The following DGKB variants were observed in gnomAD, a reference collection of about 807,000 sequenced individuals.
DGKB encodes the protein diacylglycerol kinase beta, also known as 90 kDa diacylglycerol kinase.
A neutral mutation model predicts 114.3 loss-of-function variants in DGKB; 67 were observed. That is an observed-to-expected ratio of 0.59 (90% CI 0.48 to 0.72). DGKB has a LOEUF of 0.72. Ranked by LOEUF, DGKB falls within the 30% of genes least tolerant of loss-of-function variation. The probability of loss-of-function intolerance (pLI) is 0.00; values close to 1 mark genes in which losing one functional copy is unlikely to be tolerated. For synonymous variants in DGKB, 398 were observed against 323.1 expected (o/e 1.23, Z -2.49); for missense variants, 907 against 975.2 (o/e 0.93, Z 0.93).
chr7:14,863,031 A>G (rs1851213126), intron 1 of DGKB, among the ~76,000 whole-genome samples: 2 of 152,090 alleles, frequency 1.3e-5, no homozygotes, highest in African/African-American at 4.8e-5. Flanking sequence ...ATAAAAAGTC[A>G]GGAAATGTAA....
rs1835087662 is a variant in DGKB at position 14,757,686 on chromosome 7, T to C, written c.116A>G (p.Asn39Ser). ...AGGATTATACTTTGCAAGCACACCA[T>C]TACCATGGAATTCTTCAAGAACATC... is the stretch of plus-strand genomic sequence containing the variant. Reference protein sequence around the residue: ...LKDVLEEFHGNGVLAKYNPEG... With the variant: ...LKDVLEEFHGSGVLAKYNPEG... Residue 39 changes from asparagine to serine, a missense_variant, in exon 3 of 26, where the codon AAT becomes AGT. This residue lies in a region of DGKB where 814 missense variants were observed against 856.6 expected (regional missense o/e 0.95). Coordinates refer to ENST00000402815, the MANE Select transcript of DGKB (RefSeq NM_001350709.2). The C allele has an allele frequency of 1.2e-6, 2 of 1,605,624 alleles. No individual in the cohort carries two copies. The highest frequency in any genetic ancestry group is 3.4e-5 in the Admixed American group (2 of 59,486).
At chr7:14,432,153 A>G (rs749443614) in intron 21 of DGKB, among the ~76,000 whole-genome samples, 3 of 152,190 alleles carry the variant, frequency 2.0e-5, no homozygotes, top group Non-Finnish European at 4.4e-5. Context: ...AATCTTCTGC[A>G]AACAATTATT....
intron 23 of DGKB, among the ~76,000 whole-genome samples, chr7:14,190,028 A>G (rs1784072196): frequency 6.6e-6 from 1 of 152,192 alleles, no homozygotes; most frequent in African/African-American, 2.4e-5. Context: ...TTGGACTTAC[A>G]CTGCACCATA....
intron 23 of DGKB, among the ~76,000 whole-genome samples, chr7:14,250,900 G>A (rs1217445391): frequency 6.6e-6 from 1 of 152,098 alleles, no homozygotes; most frequent in Non-Finnish European, 1.5e-5. Flanking sequence ...TTTGTCTATT[G>A]TGACAGGTTT....
chr7:14,499,723 T>C (rs768762139), intron 20 of DGKB, among the ~76,000 whole-genome samples: 2 of 151,884 alleles, frequency 1.3e-5, no homozygotes, highest in Non-Finnish European at 2.9e-5. Flanking sequence ...ATAACCTTTA[T>C]ACTACATAAA....
intron 14 of DGKB, among the ~76,000 whole-genome samples, chr7:14,621,964 C>G (rs185597613): frequency 1.3e-5 from 2 of 152,152 alleles, no homozygotes; most frequent in African/African-American, 4.8e-5. Context: ...TTAAAACTGA[C>G]ATTCCATCCC....
intron 2 of DGKB, among the ~76,000 whole-genome samples, chr7:14,785,809 T>G (rs367802149): frequency 1.3e-5 from 2 of 152,032 alleles, no homozygotes; most frequent in East Asian, 3.9e-4. Flanking sequence ...CCATTTATTT[T>G]ACACTCCACA....
chr7:14,368,291 A>G (rs1281257094), intron 21 of DGKB, among the ~76,000 whole-genome samples: 2 of 152,292 alleles, frequency 1.3e-5, no homozygotes, highest in Middle Eastern at 3.4e-3. Flanking sequence ...GTGGGTTTTG[A>G]TAACTGTATA....
At chr7:14,782,353 T>A (rs1482834680) in intron 2 of DGKB, among the ~76,000 whole-genome samples, 2 of 152,174 alleles carry the variant, frequency 1.3e-5, no homozygotes, top group Non-Finnish European at 2.9e-5. Context: ...ATGAGTTAAG[T>A]AATGAATACT....
chr7:14,508,433 C>T (rs1008842461), intron 20 of DGKB, among the ~76,000 whole-genome samples: 5 of 152,124 alleles, frequency 3.3e-5, no homozygotes, highest in Admixed American at 1.3e-4. Flanking sequence ...GGCAGTTTGC[C>T]TGAAATGTCT....
intron 21 of DGKB, among the ~76,000 whole-genome samples, chr7:14,444,497 C>T (rs1370729675): frequency 6.6e-6 from 1 of 151,810 alleles, no homozygotes; most frequent in Non-Finnish European, 1.5e-5. Flanking sequence ...CGGTCTCCAA[C>T]AGTTACAAGT....
At chr7:14,934,062 G>C (rs1190506787) in intron 1 of DGKB, among the ~76,000 whole-genome samples, 1 of 151,998 alleles carries the variant, frequency 6.6e-6, no homozygotes, top group African/African-American at 2.4e-5. Flanking sequence ...ATACCCTTTT[G>C]TTGTTTTATT....
chr7:14,434,997 C>A (rs1829027307), intron 21 of DGKB, among the ~76,000 whole-genome samples: 1 of 152,110 alleles, frequency 6.6e-6, no homozygotes, highest in South Asian at 2.1e-4. Flanking sequence ...TCAATTGCAT[C>A]CATAACCAGA....
chr7:14,546,370 T>A (rs1416918722), intron 20 of DGKB, among the ~76,000 whole-genome samples: 1 of 152,122 alleles, frequency 6.6e-6, no homozygotes, highest in Non-Finnish European at 1.5e-5. Flanking sequence ...AGTAGAAATA[T>A]CCTCATCAAC....
intron 23 of DGKB, among the ~76,000 whole-genome samples, chr7:14,277,488 T>C (rs758017593): frequency 1.4e-4 from 22 of 152,220 alleles, no homozygotes; most frequent in Non-Finnish European, 2.9e-4. Context: ...TCAACTTTTT[T>C]AGATTCCACA....
intron 21 of DGKB, among the ~76,000 whole-genome samples, chr7:14,471,716 C>T (rs1478193643): frequency 3.9e-5 from 6 of 151,934 alleles, no homozygotes; most frequent in African/African-American, 1.4e-4. Context: ...CTACATATCA[C>T]AGTTCAATCT....
At chr7:14,886,204 A>T (rs1428023370) in intron 1 of DGKB, among the ~76,000 whole-genome samples, 1 of 151,838 alleles carries the variant, frequency 6.6e-6, no homozygotes, top group East Asian at 1.9e-4. Flanking sequence ...AGATTAAAAG[A>T]TAGAATTTCA....
At chr7:14,415,407 C>T (rs1263886464) in intron 21 of DGKB, among the ~76,000 whole-genome samples, 1 of 135,932 alleles carries the variant, frequency 7.4e-6, no homozygotes, top group African/African-American at 2.6e-5. Flanking sequence ...TCTCCTAATG[C>T]TATCCCTCCC....
intron 14 of DGKB, among the ~76,000 whole-genome samples, chr7:14,623,355 G>A (rs550522872): frequency 5.3e-5 from 8 of 152,016 alleles, no homozygotes; most frequent in Admixed American, 2.6e-4. Context: ...TAGAAAGATC[G>A]GATTTTATTT....
Sources: gnomAD v4.1 joint callset for allele counts (sites outside exome capture counted in the v4.1 genomes callset) on GRCh38, gnomAD v4.1.1 for gene constraint, gnomAD v4.1.1 regional missense constraint, MANE v1.5 for transcripts, NCBI Gene and HGNC (gene_info 2026-07-23, HGNC 2026-07-21) for gene names.